The following RFC2 variants were observed in gnomAD, a reference collection of about 807,000 sequenced individuals.
RFC2 encodes replication factor C subunit 2, also known as A1 40 kDa subunit.
In RFC2, 34 loss-of-function variants were observed where a neutral mutation model predicts 44.8. The observed-to-expected ratio is 0.76, with a 90% CI of 0.58 to 1.01. The LOEUF is 1.01. RFC2 is among the 50% of genes least tolerant of loss of function. RFC2 has a pLI of 0.00. For missense variants in RFC2, 400 were observed against 453.6 expected (o/e 0.88, Z 1.07); for synonymous variants, 177 against 168.9 (o/e 1.05, Z -0.37).
intron 9 of RFC2, among the ~76,000 whole-genome samples, chr7:74,235,847 A>C (rs1391948233): frequency 6.6e-6 from 1 of 151,872 alleles, no homozygotes; most frequent in Non-Finnish European, 1.5e-5. Flanking sequence ...ATATAAAGAT[A>C]AGAGTCTTGC....
intron 6 of RFC2, among the ~76,000 whole-genome samples, 195 bp downstream of exon 6, chr7:74,242,950 TG>T (rs1265538548): frequency 6.8e-6 from 1 of 147,626 alleles, no homozygotes; most frequent in Non-Finnish European, 1.5e-5. Context: ...CCAGGTGTGG[TG>T]GCACAGGCCT....
intron 7 of RFC2, among the ~76,000 whole-genome samples, chr7:74,239,301 G>A (rs1803193872): frequency 6.7e-6 from 1 of 149,264 alleles, no homozygotes; most frequent in East Asian, 2.0e-4. Flanking sequence ...TCGGCCTCCT[G>A]AGTAGCTGGG....
intron 5 of RFC2, among the ~76,000 whole-genome samples, 136 bp downstream of exon 5, chr7:74,246,499 GTTACTTAATAAAGATAAGATTTAAGGT>G: frequency 6.6e-6 from 1 of 152,062 alleles, no homozygotes; most frequent in Non-Finnish European, 1.5e-5. Context: ...ATGTTTGTAA[GTTACTTAATAAAGATAAGATTTAAGGT>G]GCAGGCCCCT....
intron 1 of RFC2, among the ~76,000 whole-genome samples, chr7:74,252,796 G>A (rs529627874): frequency 7.4e-4 from 113 of 152,184 alleles, no homozygotes; most frequent in African/African-American, 2.6e-3. Flanking sequence ...TTAGCTGGAT[G>A]TGGTGGTGTG....
rs1012389030 is a variant in RFC2 at position 74,234,847 on chromosome 7, T to C, written c.954+685A>G. ...TCCCTAGAAGCAGATGCTGGCATCA[T>C]GCTACATGTACAGCCTGCAGAACTG... On this transcript the variant is annotated intron_variant, in intron 10 of 10. Coordinates refer to ENST00000055077, the MANE Select transcript of RFC2 (RefSeq NM_181471.3). 7.9e-5 allele frequency among the ~76,000 whole-genome samples: 12 copies of C among 152,282 alleles called. No homozygotes were observed. In the East Asian group the frequency reaches 2.1e-3, roughly 27 times the overall value.
At chr7:74,252,098 CAAAAAAAAAAAAAAAAA>C (rs140868309) in intron 2 of RFC2, among the ~76,000 whole-genome samples, 1 of 21,540 alleles carries the variant, frequency 4.6e-5, no homozygotes, top group Non-Finnish European at 8.1e-5. Context: ...GGCTCCATCT[CAAAAAAAAAAAAAAAAA>C]AAAAAAAAAA....
chr7:74,254,020 TGGCCACCC>T (rs1426963057), intron 1 of RFC2, among the ~76,000 whole-genome samples: 2 of 152,172 alleles, frequency 1.3e-5, no homozygotes, highest in Non-Finnish European at 2.9e-5. Context: ...TCAGAGTAGG[TGGCCACCC>T]GGGGTAGCCC....
chr7:74,248,505 G>GTT (rs111896800), intron 4 of RFC2, among the ~76,000 whole-genome samples: 38 of 144,922 alleles, frequency 2.6e-4, no homozygotes, highest in East Asian at 1.2e-3. Context: ...AAACTAGTTG[G>GTT]TTTTTTTTTT....
intron 6 of RFC2, among the ~76,000 whole-genome samples, chr7:74,242,919 T>C (rs1370305495): frequency 6.9e-6 from 1 of 145,892 alleles, no homozygotes; most frequent in Non-Finnish European, 1.5e-5. Context: ...TGAGACTTTG[T>C]CTCAAAAAAA....
intron 2 of RFC2, among the ~76,000 whole-genome samples, 172 bp downstream of exon 2, chr7:74,252,257 A>G (rs1554721238): frequency 6.6e-6 from 1 of 151,388 alleles, no homozygotes; most frequent in East Asian, 1.9e-4. Context: ...AATACAAAAA[A>G]TTAGCTGGGT....
intron 4 of RFC2, among the ~76,000 whole-genome samples, chr7:74,248,044 C>T (rs1803723876): frequency 6.6e-6 from 1 of 152,128 alleles, no homozygotes; most frequent in Admixed American, 6.6e-5. Flanking sequence ...ATCCACCTGC[C>T]TCAGCCTCCC....
rs1802763522 is a variant in RFC2, at chr7:74,232,155, C to A, written c.1016G>T (p.Gly339Val). Residue 339 changes from glycine to valine, a missense_variant, in exon 11 of 11, where the codon GGC becomes GTC. Coordinates refer to ENST00000055077, the MANE Select transcript of RFC2 (RefSeq NM_181471.3). ...CTTCTGACACAGCCTTGCCAGGAGG[C>A]CTGCCATCTGCAAAAGAGAGTTCAC... is the stretch of plus-strand genomic sequence containing the variant. ...EGVNSLLQMA[G>V]LLARLCQKTM... The A allele has an allele frequency of 6.2e-7, 1 of 1,613,680 alleles. No homozygotes were observed. The highest frequency in any genetic ancestry group is 1.1e-5 in the South Asian group (1 of 91,090).
intron 6 of RFC2, among the ~76,000 whole-genome samples, chr7:74,240,630 G>A (rs1005686168): frequency 7.9e-5 from 12 of 152,058 alleles, no homozygotes; most frequent in East Asian, 3.9e-4. Flanking sequence ...GGCTAGCCAC[G>A]GCTTCCAGAC....
At chr7:74,250,785 T>C (rs1186630160) in intron 2 of RFC2, among the ~76,000 whole-genome samples, 1 of 152,078 alleles carries the variant, frequency 6.6e-6, no homozygotes, top group Non-Finnish European at 1.5e-5. Flanking sequence ...AGTACACACC[T>C]ATTAAAACAT....
chr7:74,237,697 A>C (rs1554718564), intron 8 of RFC2, among the ~76,000 whole-genome samples: 1 of 152,188 alleles, frequency 6.6e-6, no homozygotes, highest in Non-Finnish European at 1.5e-5. Context: ...CCTGTGAAGG[A>C]TGCTCACTTG....
chr7:74,241,080 G>T (rs1225700349), intron 6 of RFC2, among the ~76,000 whole-genome samples: 1 of 152,026 alleles, frequency 6.6e-6, no homozygotes. Flanking sequence ...ACAGGCGCAC[G>T]CTATCACACC....
intron 9 of RFC2, among the ~76,000 whole-genome samples, chr7:74,236,599 G>C (rs1803028313): frequency 6.6e-6 from 1 of 152,154 alleles, no homozygotes; most frequent in East Asian, 1.9e-4. Context: ...CTCCTGGCTA[G>C]CTGGGGGCTG....
chr7:74,241,971 A>G (rs914195564), intron 6 of RFC2, among the ~76,000 whole-genome samples: 1 of 152,146 alleles, frequency 6.6e-6, no homozygotes, highest in Non-Finnish European at 1.5e-5. Flanking sequence ...AAAAAAAAGA[A>G]AGAGAAGGAT....
chr7:74,241,312 G>A (rs1032690311), intron 6 of RFC2, among the ~76,000 whole-genome samples: 9 of 152,160 alleles, frequency 5.9e-5, no homozygotes, highest in Non-Finnish European at 1.3e-4. Flanking sequence ...TAAACTCCAC[G>A]AGCTCTCCAC....
Sources: gnomAD v4.1 joint callset for allele counts (sites outside exome capture counted in the v4.1 genomes callset) on GRCh38, gnomAD v4.1.1 for gene constraint, MANE v1.5 for transcripts, NCBI Gene and HGNC (gene_info 2026-07-23, HGNC 2026-07-21) for gene names.